Variants in WDR62 observed in about 807,000 individuals in gnomAD.
WDR62 encodes the protein WD repeat-containing protein 62.
WDR62 carries 112 observed loss-of-function variants against 160.6 expected under a neutral mutation model. The ratio of observed to expected loss-of-function variants is 0.70; its 90% CI spans 0.60 to 0.82. The LOEUF (loss-of-function observed/expected upper bound fraction) is 0.82, where lower values mean the gene tolerates loss of function less well. Ranked by LOEUF, WDR62 falls within the 40% of genes least tolerant of loss-of-function variation. WDR62 has a pLI of 0.00. For missense variants in WDR62, 1,819 were observed against 1,983.8 expected (o/e 0.92, Z 1.58); for synonymous variants, 792 against 815.1 (o/e 0.97, Z 0.48).
chr19:36,082,025 T>C (rs2145710774), intron 10 of WDR62: 1 of 364,092 alleles, frequency 2.7e-6, no homozygotes, highest in South Asian at 2.0e-5. Flanking sequence ...TTTTGGTTAG[T>C]ATTGCAAGCC....
rs1036466930 is a variant in WDR62 at position 36,066,347 on chromosome 19, G to A, written c.481G>A (p.Val161Met). 9 of 1,614,100 alleles carry A rather than the reference G, an allele frequency of 5.6e-6. No homozygotes were observed. Among genetic ancestry groups the A allele is most frequent in the Middle Eastern group, 1.6e-4 (1 of 6,062 alleles). The change falls in exon 5 of 32, where the codon GTG (valine) becomes ATG (methionine). Residue 161 changes from valine (V) to methionine (M), a missense_variant. Physicochemically the swap from Val to Met is conservative, Grantham distance 21. Transcript: ENST00000401500. ...AGGCCACAAGTATGGTGTGGCGTGT[G>A]TGGCCTTCTCACCCAATATGAAGCA... ...MLGHKYGVAC[V>M]AFSPNMKHIV... is the part of the protein sequence containing the mutation.
rs147875659 is a variant in WDR62, at chr19:36,084,678, G to T, written c.1576G>T (p.Glu526Ter). The change falls in exon 12 of 32, where the codon GAG becomes TAG. Residue 526 changes from glutamate (E) to a stop codon, truncating the protein, a stop_gained. Transcript: ENST00000401500. LOFTEE classifies it high-confidence loss of function. ...LRIHELHFMD[E>*]LVKVEAHDAE... ...GATCCACGAGCTGCACTTCATGGAC[G>T]AGCTGGTCAAGGTGGAGGCCCATGA... The T allele has an allele frequency of 6.2e-7, 1 of 1,613,896 alleles. No homozygotes were observed.
chr19:36,073,366 A>G lies in WDR62; in HGVS notation c.1068A>G (p.Glu356=), dbSNP rs1406889669. Residue 356 remains glutamate (E), a synonymous_variant, in exon 9 of 32, where the codon GAA becomes GAG. Transcript: ENST00000401500. ...GCTTCCTCTTCCACAGGAAGGCGGA[A>G]GCAGTCTACCCAGATACAGTGGCAC... ...EPSFLFHRKA[E]AVYPDTVALT... 3 of 1,614,178 alleles carry G rather than the reference A, an allele frequency of 1.9e-6. No homozygotes were observed. The highest frequency in any genetic ancestry group is 2.2e-5 in the South Asian group (2 of 91,084).
chr19:36,078,833 C>CAAA lies in WDR62; in HGVS notation c.1234-2585_1234-2583dup, dbSNP rs748116998. Among the ~76,000 whole-genome samples the CAAA allele has an allele frequency of 6.5e-3, 424 of 65,324 alleles. 4 individuals are homozygous for CAAA. The highest frequency in any genetic ancestry group is 0.019 in the South Asian group (33 of 1,710). 42.9% of individuals were successfully genotyped at this position (65,324 alleles called of 152,430 possible). On this transcript the variant is annotated intron_variant, in intron 9 of 31. Transcript: ENST00000401500. ...CCTGGGCGACAGGGCGAGACTCTGT[C>CAAA]AAAAAAAAAAAAAAAAACAAAGTAA...
At chr19:36,094,828 G>A (rs1972860908) in intron 20 of WDR62, among the ~76,000 whole-genome samples, 1 of 151,996 alleles carries the variant, frequency 6.6e-6, no homozygotes, top group African/African-American at 2.4e-5. Flanking sequence ...GAGGCCAGGA[G>A]TTTGAGACCA....
rs762534974 is a variant in WDR62 at position 36,067,985 on chromosome 19, T to TG, written c.858dup (p.Leu287AlafsTer38). ...CTCTGCCAGTTCAATGAGAAGAGGGTGCTGGAGAAGTGGATCAACCTGAAG... is the reference window on the plus strand; with the variant it reads ...CTCTGCCAGTTCAATGAGAAGAGGGTGGCTGGAGAAGTGGATCAACCTGAAG... On this transcript the variant is annotated frameshift_variant, in exon 7 of 32. Transcript: ENST00000401500. LOFTEE classifies it high-confidence loss of function. 6.2e-7 allele frequency: 1 copy of TG among 1,613,990 alleles called. No individual in the cohort carries two copies. The highest frequency in any genetic ancestry group is 1.1e-5 in the South Asian group (1 of 91,040).
chr19:36,069,790 A>C (rs2145610494), intron 7 of WDR62, among the ~76,000 whole-genome samples: 1 of 152,350 alleles, frequency 6.6e-6, no homozygotes, highest in South Asian at 2.1e-4. Context: ...GGAGCTGGAG[A>C]CCAGCCCGGC....
At chr19:36,100,695 TTGG>T in intron 22 of WDR62, 50 bp from the exon 23 acceptor site, 2 of 1,610,436 alleles carry the variant, frequency 1.2e-6, no homozygotes, top group Admixed American at 1.7e-5. Flanking sequence ...TGGCGCACTG[TTGG>T]TGGCCCCAGC....
chr19:36,090,525 G>A lies in WDR62; in HGVS notation c.2034+5G>A. 1 of 1,613,958 alleles carries A rather than the reference G, an allele frequency of 6.2e-7. No homozygotes were observed. The highest frequency in any genetic ancestry group is 8.5e-7 in the Non-Finnish European group (1 of 1,179,870). On this transcript the variant is annotated splice_donor_5th_base_variant and intron_variant, in intron 16 of 31. Transcript: ENST00000401500. The stretch of plus-strand genomic sequence containing the variant: ...GACGAAGGGTCCTTGCTGAAGGTGA[G>A]GAGTTGGAGACCCCTGTCTGTCTGC...
At chr19:36,082,607 G>A (rs764723037) in intron 10 of WDR62, among the ~76,000 whole-genome samples, 5 of 152,192 alleles carry the variant, frequency 3.3e-5, no homozygotes, top group African/African-American at 1.2e-4. Context: ...GTTTTTGGCT[G>A]CACACAATAG....
At position 36,099,604 on chromosome 19, in the gene WDR62, G is replaced by T; in HGVS notation, c.2726G>T (p.Ser909Ile). ...LDSLEPQSLA[S>I]LLSESESPQE... ...TCACTGGAGCCACAGAGCCTGGCCA[G>T]CCTGCTGAGTGAGGTACACACTTCC... Residue 909 changes from serine to isoleucine, a missense_variant, in exon 22 of 32, where the codon AGC becomes ATC. Ser to Ile is a moderately radical substitution (Grantham distance 142). This residue lies in a region of WDR62 where 934 missense variants were observed against 1,157.2 expected (regional missense o/e 0.81). Coordinates refer to ENST00000401500, the MANE Select transcript of WDR62 (RefSeq NM_001083961.2). 1 of 1,614,168 alleles carries T rather than the reference G, an allele frequency of 6.2e-7. No homozygotes were observed. Among genetic ancestry groups the T allele is most frequent in the Non-Finnish European group, 8.5e-7 (1 of 1,180,042 alleles).
chr19:36,060,271 G>A (rs1221825245), intron 3 of WDR62: 3 of 573,348 alleles, frequency 5.2e-6, no homozygotes, highest in Non-Finnish European at 9.4e-6. Context: ...GCAAATTACG[G>A]GCTGATCATG....
At chr19:36,058,965 T>A (rs772711034) in intron 2 of WDR62, 94 bp downstream of exon 2, 8 of 1,041,458 alleles carry the variant, frequency 7.7e-6, no homozygotes, top group Non-Finnish European at 1.2e-5. Flanking sequence ...GCCTCATATT[T>A]TTCACCTGTA....
chr19:36,082,996 G>T, intron 10 of WDR62, 67 bp from the exon 11 acceptor site: 2 of 1,434,600 alleles, frequency 1.4e-6, no homozygotes, highest in East Asian at 2.4e-5. Context: ...GACTGGCTAT[G>T]GAGGGACACG....
rs957683435 is a variant in WDR62 at position 36,102,011 on chromosome 19, C to A, written c.3083-3C>A. On this transcript the variant is annotated splice_polypyrimidine_tract_variant and splice_region_variant and intron_variant, in intron 25 of 31. Transcript: ENST00000401500. ...TCTTGTCCCTCCCCTCCTTCCCTGT[C>A]AGGATGCGCAGGTCCCACAGAAGAT... 1.2e-6 allele frequency: 2 copies of A among 1,614,138 alleles called. No individual in the cohort carries two copies. The highest frequency in any genetic ancestry group is 1.7e-6 in the Non-Finnish European group (2 of 1,180,030).
chr19:36,082,562 A>T (rs566258211), intron 10 of WDR62, among the ~76,000 whole-genome samples: 22 of 152,194 alleles, frequency 1.4e-4, no homozygotes, highest in Non-Finnish European at 2.6e-4. Flanking sequence ...ACCCAGTGCT[A>T]CCATCGTCTC....
At chr19:36,077,479 ACC>A (rs1568340948) in intron 9 of WDR62, among the ~76,000 whole-genome samples, 1 of 151,708 alleles carries the variant, frequency 6.6e-6, no homozygotes, top group Non-Finnish European at 1.5e-5. Flanking sequence ...ACGAGGTTTC[ACC>A]ATGTTAGCCA....
intron 3 of WDR62, among the ~76,000 whole-genome samples, chr19:36,062,925 T>C (rs1970735410): frequency 6.6e-6 from 1 of 151,816 alleles, no homozygotes; most frequent in Non-Finnish European, 1.5e-5. Context: ...GGCTCCTCTG[T>C]CTTTTCTTGA....
chr19:36,105,167 G>C (rs1238686875), downstream of WDR62: 1 of 1,154,274 alleles, frequency 8.7e-7, no homozygotes, highest in African/African-American at 1.5e-5. Flanking sequence ...GAAGTGGGGA[G>C]GGAGGGTAGA....
Sources: allele counts gnomAD v4.1 joint callset (sites outside exome capture counted in the v4.1 genomes callset), GRCh38; gene constraint gnomAD v4.1.1; regional missense constraint gnomAD v4.1.1; transcripts MANE v1.5; gene names NCBI Gene and HGNC (gene_info 2026-07-23, HGNC 2026-07-21).